The following NCLN variants were observed in gnomAD, a reference collection of about 807,000 sequenced individuals.
NCLN encodes nicalin, also known as BOS complex subunit NCLN.
A neutral mutation model predicts 69.5 loss-of-function variants in NCLN; 34 were observed. The ratio of observed to expected loss-of-function variants is 0.49; its 90% confidence interval spans 0.37 to 0.65. NCLN has a LOEUF of 0.65. Ranked by LOEUF, NCLN falls within the 30% of genes least tolerant of loss-of-function variation. The pLI, the probability that NCLN is intolerant of heterozygous loss-of-function variation, is 0.00. For missense variants in NCLN, 710 were observed against 804.8 expected (o/e 0.88, Z 1.42); for synonymous variants, 393 against 358.3 (o/e 1.10, Z -1.09).
At chr19:3,188,560 TTCTC>T (rs1348228595) in intron 1 of NCLN, among the ~76,000 whole-genome samples, 1 of 152,156 alleles carries the variant, frequency 6.6e-6, no homozygotes, top group Non-Finnish European at 1.5e-5. Context: ...CTGCAGTCCT[TTCTC>T]TCTTTCCTCG....
In NCLN at chr19:3,208,315, G is replaced by C. The variant is rs1351453864; in HGVS notation, c.*627G>C. ...TGGGCTCGGGGAGCTGCATCACCCA[G>C]CCTTCCCCTTCTCCGACTGCAGGGT... On this transcript the variant is annotated 3_prime_UTR_variant, in exon 15 of 15. Transcript: ENST00000246117. The C allele has an allele frequency of 1.3e-5, 2 of 152,312 alleles. No individual in the cohort carries two copies. Among genetic ancestry groups the C allele is most frequent in the East Asian group, 3.8e-4 (2 of 5,200 alleles). 9.4% of individuals were successfully genotyped at this position (152,312 alleles called of 1,614,324 possible).
chr19:3,204,756 G>GC lies in NCLN; in HGVS notation c.1208+6dup, dbSNP rs1916222227. 1 of 1,494,332 alleles carries GC rather than the reference G, an allele frequency of 6.7e-7. No homozygotes were observed. Among genetic ancestry groups the GC allele is most frequent in the East Asian group, 2.5e-5 (1 of 40,592 alleles). 92.6% of individuals were successfully genotyped at this position (1,494,332 alleles called of 1,614,324 possible). ...CAGCAGCATCATGGACGTGCGGTGAGCGCGGCAGCACCTGCCCGGCCCCTC... is the reference window on the plus strand; with the variant it reads ...CAGCAGCATCATGGACGTGCGGTGAGCCGCGGCAGCACCTGCCCGGCCCCTC... On this transcript the variant is annotated splice_donor_region_variant and intron_variant, in intron 9 of 14. Transcript: ENST00000246117.
rs538321269 is a variant in NCLN, at chr19:3,206,380, G to T, written c.1454G>T (p.Arg485Leu). The T allele has an allele frequency of 6.5e-7, 1 of 1,548,210 alleles. No homozygotes were observed. ...AGCACGCTGGAGCACCACCTGAGCC[G>T]CTACCTGAAGGACGTGAAGCAGCAC... Reference protein sequence around the residue: ...FLSTLEHHLSRYLKDVKQHHV... With the variant: ...FLSTLEHHLSLYLKDVKQHHV... Residue 485 changes from arginine (R) to leucine (L), a missense_variant, in exon 12 of 15, where the codon CGC becomes CTC. Physicochemically the swap from Arg to Leu is moderately radical, Grantham distance 102 (BLOSUM62 -2). Transcript: ENST00000246117.
intron 1 of NCLN, among the ~76,000 whole-genome samples, chr19:3,187,071 C>G (rs1358552065): frequency 6.6e-6 from 1 of 152,168 alleles, no homozygotes; most frequent in African/African-American, 2.4e-5. Flanking sequence ...GATGCATACC[C>G]ACGCCCTCAG....
Position 3,204,614 on chromosome 19 carries a change from G to A in NCLN, c.1071G>A (p.Val357=), listed in dbSNP as rs61744344. Residue 357 remains valine, a synonymous_variant, in exon 9 of 15, where the codon GTG becomes GTA. Coordinates refer to ENST00000246117, the MANE Select transcript of NCLN (RefSeq NM_020170.4). ...TCCCTGAGGTACGGTTCTCCATGGT[G>A]CACAAGCGGATCAACCTGGCGGAGG... The part of the protein sequence containing the change: ...HQFPEVRFSM[V]HKRINLAEDV... 1.0e-3 allele frequency: 1,624 copies of A among 1,599,866 alleles called. 16 individuals carry two copies. The African/African-American group carries it at 0.019, about 19-fold the overall frequency.
At chr19:3,200,647 C>G (rs1391780102) in intron 5 of NCLN, among the ~76,000 whole-genome samples, 1 of 152,028 alleles carries the variant, frequency 6.6e-6, no homozygotes, top group South Asian at 2.1e-4. Context: ...ACATAAAGTT[C>G]ACCATTTTAG....
Position 3,198,801 on chromosome 19 carries a change from T to A in NCLN, c.616-16T>A, listed in dbSNP as rs973710905. ...CCCAGGAACAGCCAGGCCATTCCCC[T>A]GCTCTCTATCCACAGGGGCGGCTGA... is the stretch of plus-strand genomic sequence containing the variant. On this transcript the variant is annotated splice_polypyrimidine_tract_variant and intron_variant, in intron 4 of 14. Transcript: ENST00000246117. The A allele has an allele frequency of 6.3e-7, 1 of 1,577,774 alleles. No individual in the cohort carries two copies. Among genetic ancestry groups the A allele is most frequent in the African/African-American group, 1.4e-5 (1 of 72,304 alleles).
chr19:3,186,195 C>T lies in NCLN; in HGVS notation c.165C>T (p.Asp55=), dbSNP rs1201772496. ...EFTVYRMQQY[D]LQGQPYGTRN... The stretch of plus-strand genomic sequence containing the variant: ...CCGTGTACCGCATGCAGCAGTACGA[C>T]CTGCAGGGCCAGCCCTACGGTGCGT... The change falls in exon 1 of 15, where the codon GAC becomes GAT. Residue 55 remains aspartate, a synonymous_variant. Transcript: ENST00000246117. 7 of 1,567,928 alleles carry T rather than the reference C, an allele frequency of 4.5e-6. No individual in the cohort carries two copies. The African/African-American group carries it at 7.1e-5, about 16-fold the overall frequency.
intron 6 of NCLN, 136 bp downstream of exon 6, chr19:3,201,762 G>A (rs1339798987): frequency 8.3e-6 from 6 of 719,856 alleles, no homozygotes; most frequent in South Asian, 1.9e-5. Flanking sequence ...GAATTGGGGC[G>A]CCTTATTTAT....
chr19:3,192,338 G>A (rs982343460), intron 1 of NCLN, 132 bp from the exon 2 acceptor site: 2 of 741,574 alleles, frequency 2.7e-6, no homozygotes, highest in African/African-American at 1.9e-5. Flanking sequence ...GGAGCTTCTC[G>A]AATCGGTGGT....
chr19:3,187,370 TGAA>T (rs1412558626), intron 1 of NCLN, among the ~76,000 whole-genome samples: 1 of 152,178 alleles, frequency 6.6e-6, no homozygotes, highest in Non-Finnish European at 1.5e-5. Flanking sequence ...GCCTTCCCTG[TGAA>T]GGAGTCCCGT....
At chr19:3,191,975 G>T (rs1341306982) in intron 1 of NCLN, among the ~76,000 whole-genome samples, 3 of 152,138 alleles carry the variant, frequency 2.0e-5, no homozygotes, top group African/African-American at 7.2e-5. Flanking sequence ...TATCACCTGG[G>T]GTCGGGAGTT....
rs1916157797 is a variant in NCLN at position 3,202,696 on chromosome 19, A to G, written c.801-1060A>G. Among the ~76,000 whole-genome samples, 4 of 151,916 alleles carry G rather than the reference A, an allele frequency of 2.6e-5. No individual in the cohort carries two copies. The South Asian group carries it at 8.3e-4, about 31-fold the overall frequency. On this transcript the variant is annotated intron_variant, in intron 6 of 14. Transcript: ENST00000246117. ...TGGCCTCAAGCGATCCTCCTGCCTC[A>G]GCCTCCTAAAGCACTAGGATTACAG...
intron 2 of NCLN, 48 bp from the exon 3 acceptor site, chr19:3,193,236 C>T (rs1332209644): frequency 2.6e-6 from 4 of 1,534,284 alleles, no homozygotes; most frequent in Non-Finnish European, 3.5e-6. Flanking sequence ...TGCTACCTTG[C>T]CACCCCCACC....
In NCLN at chr19:3,207,965, T is replaced by G. The variant is rs558694975; in HGVS notation, c.*277T>G. ...ACGGACTTGCGGACGAGCCCCCCAG[T>G]CCTGGGAGCCGGCCGCCCTCGGTCT... On this transcript the variant is annotated 3_prime_UTR_variant, in exon 15 of 15. Transcript: ENST00000246117. The G allele has an allele frequency of 1.7e-4, 81 of 479,892 alleles. No individual in the cohort carries two copies. In the Middle Eastern group the frequency reaches 3.5e-3, roughly 21 times the overall value. The allele number at this position is 479,892 out of a possible 1,614,324, so 29.7% of individuals were successfully genotyped here. A position where few individuals can be genotyped will look rare whatever the true frequency, so the allele number is the denominator to read the frequency against.
At position 3,207,773 on chromosome 19, in the gene NCLN, G is replaced by A; in HGVS notation, c.*85G>A. On this transcript the variant is annotated 3_prime_UTR_variant, in exon 15 of 15. Coordinates refer to ENST00000246117, the MANE Select transcript of NCLN (RefSeq NM_020170.4). ...GTGAGTGGACACTGCCCCGCCGCGGGCGGCCCTGCAGGGACAGGGGCCCTC... is the reference window on the plus strand; with the variant it reads ...GTGAGTGGACACTGCCCCGCCGCGGACGGCCCTGCAGGGACAGGGGCCCTC... 2.3e-6 allele frequency: 3 copies of A among 1,283,430 alleles called. No homozygotes were observed. The highest frequency in any genetic ancestry group is 2.3e-5 in the East Asian group (1 of 42,782). The allele number at this position is 1,283,430 out of a possible 1,614,324, so 79.5% of individuals were successfully genotyped here.
chr19:3,196,389 C>T (rs931957021), intron 4 of NCLN, 112 bp downstream of exon 4: 11 of 753,792 alleles, frequency 1.5e-5, no homozygotes, highest in South Asian at 7.8e-5. Context: ...AAACTGGAGT[C>T]GGATCGCCCC....
chr19:3,188,403 G>C (rs140427253), intron 1 of NCLN, among the ~76,000 whole-genome samples: 3 of 152,168 alleles, frequency 2.0e-5, no homozygotes, highest in Non-Finnish European at 4.4e-5. Context: ...CCCGTTCCAC[G>C]GCCAGACGGA....
At chr19:3,187,773 G>A (rs1915708465) in intron 1 of NCLN, among the ~76,000 whole-genome samples, 1 of 152,184 alleles carries the variant, frequency 6.6e-6, no homozygotes, top group South Asian at 2.1e-4. Context: ...GCGCCCTGGG[G>A]CCACAGTGGT....
Sources: gnomAD v4.1 joint callset for allele counts (sites outside exome capture counted in the v4.1 genomes callset) on GRCh38, gnomAD v4.1.1 for gene constraint, MANE v1.5 for transcripts, NCBI Gene and HGNC (gene_info 2026-07-23, HGNC 2026-07-21) for gene names.